The following DGKG variants were observed in gnomAD, a reference collection of about 807,000 sequenced individuals.
The protein encoded by DGKG is DAG kinase gamma.
DGKG carries 78 observed loss-of-function variants against 105.3 expected under a neutral mutation model. The ratio of observed to expected loss-of-function variants is 0.74; its 90% CI spans 0.62 to 0.89. The LOEUF is 0.89. Among genes scored for constraint, DGKG ranks in the 40% least tolerant of loss-of-function variants. The pLI is 0.00. For synonymous variants in DGKG, 346 were observed against 367.1 expected (o/e 0.94, Z 0.66); for missense variants, 958 against 1,020.1 (o/e 0.94, Z 0.83).
intron 21 of DGKG, among the ~76,000 whole-genome samples, chr3:186,188,784 C>T (rs1717765557): frequency 6.6e-6 from 1 of 152,024 alleles, no homozygotes; most frequent in Non-Finnish European, 1.5e-5. Context: ...ACAGAAAATT[C>T]AGAACATAAC....
In DGKG at chr3:186,149,232, G is replaced by C; in HGVS notation, c.*858C>G. 2 of 984,858 alleles carry C rather than the reference G, an allele frequency of 2.0e-6. No individual in the cohort carries two copies. Among genetic ancestry groups the C allele is most frequent in the Non-Finnish European group, 2.4e-6 (2 of 829,764 alleles). 61.0% of individuals were successfully genotyped at this position (984,858 alleles called of 1,614,324 possible). A position where few individuals can be genotyped will look rare whatever the true frequency, so the allele number is the denominator to read the frequency against. The stretch of plus-strand genomic sequence containing the variant: ...TGGCTTGAAAAAGAAAGAAGCTGGG[G>C]GTGGTTTTTTTTTTCCTTCCCTTTT... On this transcript the variant is annotated 3_prime_UTR_variant, in exon 25 of 25. Coordinates refer to ENST00000265022, the MANE Select transcript of DGKG (RefSeq NM_001346.3).
Position 186,267,731 on chromosome 3 carries a change from A to T in DGKG, c.1163T>A (p.Leu388His). ...GGTGGGCAGTAAGATGTGGTCTCTG[A>T]GTTCCCCACCGTCACACAACGTTGA... ...ELSTLCDGGELRDHILLPTSI... is the reference protein window; with the variant it reads ...ELSTLCDGGEHRDHILLPTSI... The change falls in exon 13 of 25, where the codon CTC (leucine) becomes CAC (histidine). Residue 388 changes from leucine to histidine, a missense_variant. By Grantham distance (99) the Leu-to-His change is moderately conservative. Around this residue, in one of 2 missense-constraint regions of DGKG, gnomAD observed 643 missense variants for 619.5 expected, o/e 1.04. Coordinates refer to ENST00000265022, the MANE Select transcript of DGKG (RefSeq NM_001346.3). 6.2e-7 allele frequency: 1 copy of T among 1,614,110 alleles called. No homozygotes were observed. Among genetic ancestry groups the T allele is most frequent in the South Asian group, 1.1e-5 (1 of 91,082 alleles).
At chr3:186,267,624 G>T in intron 13 of DGKG, 61 bp downstream of exon 13, 3 of 1,307,966 alleles carry the variant, frequency 2.3e-6, no homozygotes, top group East Asian at 2.3e-5. Context: ...TCTGAAAGCT[G>T]CCTACATCTG....
intron 21 of DGKG, among the ~76,000 whole-genome samples, chr3:186,201,214 A>G (rs1325512832): frequency 6.6e-6 from 1 of 151,392 alleles, no homozygotes; most frequent in African/African-American, 2.4e-5. Context: ...GCAGATTAAT[A>G]GGCTTTGCTG....
chr3:186,320,455 C>G lies in DGKG; in HGVS notation c.5G>C (p.Gly2Ala). Residue 2 changes from glycine (G) to alanine (A), a missense_variant, in exon 2 of 25, where the codon GGT (glycine) becomes GCT (alanine). Around this residue, in one of 2 missense-constraint regions of DGKG, gnomAD observed 643 missense variants for 619.5 expected, o/e 1.04. Transcript: ENST00000265022. Reference protein sequence around the residue: MGEERWVSLTPE... With the variant: MAEERWVSLTPE... Reference sequence around the variant, plus strand: ...AGTGAGGGAGACCCACCGTTCTTCACCCATTTTTAAACTTTATGTGAGTGG... The same window carrying G: ...AGTGAGGGAGACCCACCGTTCTTCAGCCATTTTTAAACTTTATGTGAGTGG... 1 of 1,614,172 alleles carries G rather than the reference C, an allele frequency of 6.2e-7. No individual in the cohort carries two copies. The highest frequency in any genetic ancestry group is 8.5e-7 in the Non-Finnish European group (1 of 1,180,016).
intron 21 of DGKG, among the ~76,000 whole-genome samples, chr3:186,199,942 G>A (rs137957941): frequency 6.6e-6 from 1 of 152,332 alleles, no homozygotes; most frequent in Non-Finnish European, 1.5e-5. Context: ...AGATGCAAGT[G>A]ACGAGATCAA....
At position 186,285,682 on chromosome 3, in the gene DGKG, T is replaced by TC. The variant is rs199878275; in HGVS notation, c.545-974_545-973insG. ...TCCTGCTATTCTTTCTTTCTTTCTT[T>TC]TTTTTTTTTTTTTTGAGACAGAGTT... On this transcript the variant is annotated intron_variant, in intron 6 of 24. Transcript: ENST00000265022. 8.6e-3 allele frequency among the ~76,000 whole-genome samples: 1,275 copies of TC among 147,988 alleles called. 14 individuals are homozygous for TC. Among genetic ancestry groups the TC allele is most frequent in the African/African-American group, 0.028 (1,138 of 40,488 alleles).
chr3:186,265,263 C>T lies in DGKG; in HGVS notation c.1253G>A (p.Gly418Asp), dbSNP rs757337670. Residue 418 changes from glycine (G) to aspartate (D), a missense_variant, in exon 14 of 25, where the codon GGC becomes GAC. Around this residue, in one of 2 missense-constraint regions of DGKG, gnomAD observed 643 missense variants for 619.5 expected, o/e 1.04. Transcript: ENST00000265022. ...EKSDGCVSAKGELVMQYKIIP... is the reference protein window; with the variant it reads ...EKSDGCVSAKDELVMQYKIIP... ...ATGAGGTACCTGCATGACAAGTTCG[C>T]CCTTGGCGGACACGCAGCCATCAGA... 1.9e-6 allele frequency: 3 copies of T among 1,614,244 alleles called. No individual in the cohort carries two copies. Among genetic ancestry groups the T allele is most frequent in the Non-Finnish European group, 1.7e-6 (2 of 1,180,034 alleles).
chr3:186,193,689 C>T (rs1414149643), intron 21 of DGKG, among the ~76,000 whole-genome samples: 2 of 152,244 alleles, frequency 1.3e-5, no homozygotes, highest in Non-Finnish European at 2.9e-5. Flanking sequence ...GCCCGGGACG[C>T]TGTCGGCCTA....
intron 20 of DGKG, among the ~76,000 whole-genome samples, chr3:186,225,507 G>A (rs1182851424): frequency 6.6e-6 from 1 of 152,140 alleles, no homozygotes; most frequent in Non-Finnish European, 1.5e-5. Context: ...CTGGCAATGT[G>A]TTTATTTGGC....
chr3:186,166,213 A>G (rs907024801), intron 22 of DGKG, among the ~76,000 whole-genome samples: 3 of 152,234 alleles, frequency 2.0e-5, no homozygotes, highest in Non-Finnish European at 4.4e-5. Flanking sequence ...ATGTGTCAAC[A>G]TTGCTAGTCT....
At chr3:186,295,525 ATAG>A (rs1363379079) in intron 5 of DGKG, among the ~76,000 whole-genome samples, 2 of 110,208 alleles carry the variant, frequency 1.8e-5, no homozygotes, top group African/African-American at 3.2e-5. Flanking sequence ...AATAATAATA[ATAG>A]TAATAATAAT....
At chr3:186,307,650 TGA>T (rs1216747587) in intron 2 of DGKG, among the ~76,000 whole-genome samples, 40 of 152,358 alleles carry the variant, frequency 2.6e-4, no homozygotes, top group Middle Eastern at 3.4e-3. Context: ...AACTGGCTGG[TGA>T]GTCTTTGTCT....
intron 1 of DGKG, among the ~76,000 whole-genome samples, chr3:186,335,410 C>G (rs367810793): frequency 2.1e-4 from 32 of 152,260 alleles, no homozygotes; most frequent in African/African-American, 7.5e-4. Flanking sequence ...TATTTAAGCT[C>G]TTTTTAAACA....
At chr3:186,302,540 A>ATATATATATATATATATACACATATG (rs61039418) in intron 3 of DGKG, among the ~76,000 whole-genome samples, 1 of 27,486 alleles carries the variant, frequency 3.6e-5, no homozygotes, top group Non-Finnish European at 9.2e-5. Flanking sequence ...ATACATATGT[A>ATATATATATATATATATACACATATG]TATATATATA....
intron 18 of DGKG, 31 bp from the exon 19 acceptor site, chr3:186,251,950 C>G (rs1721248293): frequency 2.6e-6 from 4 of 1,520,394 alleles, no homozygotes; most frequent in South Asian, 1.3e-5. Context: ...TTTGCCACCA[C>G]AGCAGAAAGG....
intron 6 of DGKG, 25 bp downstream of exon 6, chr3:186,288,685 G>A: frequency 6.2e-7 from 1 of 1,611,870 alleles, no homozygotes; most frequent in Non-Finnish European, 8.5e-7. Context: ...AAAAGCTGAA[G>A]CCCCTTGACA....
intron 2 of DGKG, among the ~76,000 whole-genome samples, chr3:186,308,374 C>T (rs1399105004): frequency 2.0e-5 from 3 of 152,154 alleles, no homozygotes; most frequent in African/African-American, 7.2e-5. Flanking sequence ...CTATCCCTCT[C>T]TTCCAATATT....
Position 186,210,595 on chromosome 3 carries a change from C to T in DGKG, c.1917+1200G>A, listed in dbSNP as rs114471081. On this transcript the variant is annotated intron_variant, in intron 21 of 24. Transcript: ENST00000265022. The surrounding 1 kb of genome is among the most constrained non-coding windows in gnomAD (Gnocchi z 5.2). ...TGCAGCCGCACAGAACCTCTGGCTT[C>T]GTGTTTTGTTTGTGAAAACTCCCTG... 0.013 allele frequency: 5,996 copies of T among 454,144 alleles called. 77 individuals carry two copies. The highest frequency in any genetic ancestry group is 0.022 in the South Asian group (1,450 of 64,480). 28.1% of individuals were successfully genotyped at this position (454,144 alleles called of 1,614,324 possible).
Sources: allele counts gnomAD v4.1 joint callset (sites outside exome capture counted in the v4.1 genomes callset), GRCh38; gene constraint gnomAD v4.1.1; regional missense constraint gnomAD v4.1.1; non-coding constraint Gnocchi (gnomAD v3.1); transcripts MANE v1.5; gene names NCBI Gene and HGNC (gene_info 2026-07-23, HGNC 2026-07-21).